The following COL22A1 variants were observed in gnomAD, a reference collection of about 807,000 sequenced individuals.
COL22A1 encodes the protein collagen type XXII alpha 1 chain.
A neutral mutation model predicts 248.9 loss-of-function variants in COL22A1; 221 were observed. That is an observed-to-expected ratio of 0.89 (90% CI 0.80 to 0.99). COL22A1 has a LOEUF of 0.99. Among genes scored for constraint, COL22A1 ranks in the 50% least tolerant of loss-of-function variants. COL22A1 has a pLI of 0.00. For missense variants in COL22A1, 2,240 were observed against 2,179.0 expected (o/e 1.03, Z -0.56); for synonymous variants, 891 against 793.4 (o/e 1.12, Z -2.07).
chr8:138,724,861 C>T (rs1482484395), intron 24 of COL22A1, among the ~76,000 whole-genome samples, 193 bp from the exon 25 acceptor site: 2 of 152,168 alleles, frequency 1.3e-5, no homozygotes, highest in South Asian at 2.1e-4. Flanking sequence ...GTGGCTTGTG[C>T]GGCCTGCAGT....
intron 15 of COL22A1, among the ~76,000 whole-genome samples, chr8:138,776,455 C>T (rs1332888674): frequency 2.0e-5 from 3 of 152,270 alleles, no homozygotes; most frequent in East Asian, 3.9e-4. Flanking sequence ...GCCCCTCCTC[C>T]CTCGGGGATA....
chr8:138,801,227 GTC>G (rs1215719783), intron 11 of COL22A1, among the ~76,000 whole-genome samples: 4 of 152,204 alleles, frequency 2.6e-5, no homozygotes, highest in Non-Finnish European at 4.4e-5. Flanking sequence ...TGTAAATTCT[GTC>G]TCTGCCACAT....
chr8:138,873,170 T>C (rs187885240), intron 3 of COL22A1, among the ~76,000 whole-genome samples: 6 of 152,324 alleles, frequency 3.9e-5, no homozygotes, highest in African/African-American at 1.4e-4. Context: ...TCAGCCCCTA[T>C]GTGCCTCTGT....
At chr8:138,867,359 G>A (rs1273114654) in intron 3 of COL22A1, among the ~76,000 whole-genome samples, 4 of 152,182 alleles carry the variant, frequency 2.6e-5, no homozygotes, top group Admixed American at 1.3e-4. Flanking sequence ...TCTCTGTGAC[G>A]TGGTGCTCAG....
chr8:138,697,341 AG>A (rs551982910), intron 32 of COL22A1, among the ~76,000 whole-genome samples: 4 of 152,126 alleles, frequency 2.6e-5, no homozygotes, highest in Non-Finnish European at 5.9e-5. Flanking sequence ...TAGCAGGGTG[AG>A]GGGGTAGAAT....
intron 1 of COL22A1, among the ~76,000 whole-genome samples, chr8:138,894,291 G>A (rs1034000555): frequency 6.6e-6 from 1 of 152,172 alleles, no homozygotes; most frequent in Non-Finnish European, 1.5e-5. Flanking sequence ...CTGTTGACAA[G>A]GATGGATTAG....
At chr8:138,768,694 T>G (rs1834106769) in intron 16 of COL22A1, among the ~76,000 whole-genome samples, 1 of 152,076 alleles carries the variant, frequency 6.6e-6, no homozygotes, top group Admixed American at 6.5e-5. Flanking sequence ...TCCCAGCACT[T>G]TGGGAGGTCG....
chr8:138,891,036 G>C (rs960682585), intron 1 of COL22A1, among the ~76,000 whole-genome samples: 1 of 151,852 alleles, frequency 6.6e-6, no homozygotes, highest in African/African-American at 2.4e-5. Context: ...AAAAAAGTTT[G>C]TTGTGTTCCT....
Position 138,589,348 on chromosome 8 carries a change from G to A in COL22A1, c.4786C>T (p.Pro1596Ser), listed in dbSNP as rs541660200. ...TGGCCTGGGGGACCGGGAGGTCCTG[G>A]GAGGCCAGGATGTCCAGCTGGTCCT... is the stretch of plus-strand genomic sequence containing the variant. Reference protein sequence around the residue: ...ETGPAGHPGLPGPPGPPGQCD... With the variant: ...ETGPAGHPGLSGPPGPPGQCD... The change falls in exon 65 of 65, where the codon CCA becomes TCA. Residue 1596 changes from proline (P) to serine (S), a missense_variant. By Grantham distance (74) the Pro-to-Ser change is moderately conservative (BLOSUM62 -1). Coordinates refer to ENST00000303045, the MANE Select transcript of COL22A1 (RefSeq NM_152888.3). 1 of 1,611,778 alleles carries A rather than the reference G, an allele frequency of 6.2e-7. No homozygotes were observed. The highest frequency in any genetic ancestry group is 1.3e-5 in the African/African-American group (1 of 74,874).
At chr8:138,768,862 A>G (rs10086222) in intron 16 of COL22A1, among the ~76,000 whole-genome samples, 95,128 of 151,810 alleles carry the variant, frequency 0.63, 31,625 homozygotes, top group African/African-American at 0.86. Flanking sequence ...GCTTGAACCC[A>G]GGAGGCAGAG....
At chr8:138,769,498 G>C (rs7843456) in intron 16 of COL22A1, among the ~76,000 whole-genome samples, 75,248 of 151,792 alleles carry the variant, frequency 0.5, 19,669 homozygotes, top group African/African-American at 0.66. Context: ...CCAAGCTAAT[G>C]ATGCCCATTC....
chr8:138,590,509 T>C (rs1032427175), intron 64 of COL22A1, among the ~76,000 whole-genome samples: 14 of 152,184 alleles, frequency 9.2e-5, no homozygotes, highest in Non-Finnish European at 1.6e-4. Flanking sequence ...TTGTAAGCTA[T>C]TTGAAAATAG....
intron 41 of COL22A1, among the ~76,000 whole-genome samples, chr8:138,669,954 T>G (rs1187137738): frequency 3.3e-5 from 5 of 150,216 alleles, no homozygotes; most frequent in Non-Finnish European, 7.4e-5. Context: ...TGGCATGATC[T>G]TGGCTCACTG....
intron 1 of COL22A1, among the ~76,000 whole-genome samples, chr8:138,911,077 C>T (rs1053862463): frequency 4.6e-5 from 7 of 152,202 alleles, no homozygotes; most frequent in African/African-American, 1.7e-4. Flanking sequence ...TCAAGCATTC[C>T]AGGTTTAGAT....
intron 41 of COL22A1, among the ~76,000 whole-genome samples, chr8:138,667,875 A>C (rs1824650741): frequency 6.6e-6 from 1 of 152,078 alleles, no homozygotes; most frequent in Non-Finnish European, 1.5e-5. Context: ...CTTGCCAACA[A>C]CATCAAGCCA....
rs926539480 is a variant in COL22A1, at chr8:138,878,822, G to A, written c.92-506C>T. Among the ~76,000 whole-genome samples, 7 of 152,084 alleles carry A rather than the reference G, an allele frequency of 4.6e-5. No individual in the cohort carries two copies. In the East Asian group the frequency reaches 5.8e-4, roughly 13 times the overall value. On this transcript the variant is annotated intron_variant, in intron 2 of 64. Transcript: ENST00000303045. ...GGAGATCGAGACCATCCTGGCTAAC[G>A]CAGTGAAACCCCATCTCTACTAAAA... is the stretch of plus-strand genomic sequence containing the variant.
chr8:138,766,664 C>T (rs376061264), intron 16 of COL22A1, among the ~76,000 whole-genome samples: 9 of 151,900 alleles, frequency 5.9e-5, no homozygotes, highest in African/African-American at 1.9e-4. Flanking sequence ...GCAGAGAGAC[C>T]GAGAAAGACA....
chr8:138,672,684 C>T (rs557721313), intron 41 of COL22A1, among the ~76,000 whole-genome samples: 3 of 152,188 alleles, frequency 2.0e-5, no homozygotes, highest in Non-Finnish European at 4.4e-5. Flanking sequence ...AGACATCAGG[C>T]AAACAGGATT....
chr8:138,892,511 C>A (rs1825138118), intron 1 of COL22A1, among the ~76,000 whole-genome samples: 1 of 152,196 alleles, frequency 6.6e-6, no homozygotes, highest in African/African-American at 2.4e-5. Context: ...CCCCAGCAAG[C>A]ATGGGGTACC....
Sources: gnomAD v4.1 joint callset for allele counts (sites outside exome capture counted in the v4.1 genomes callset) on GRCh38, gnomAD v4.1.1 for gene constraint, MANE v1.5 for transcripts, NCBI Gene and HGNC (gene_info 2026-07-23, HGNC 2026-07-21) for gene names.